SRGAP3: variants seen among roughly 807,000 people sequenced by gnomAD.
SRGAP3 encodes SLIT-ROBO Rho GTPase-activating protein 3.
In SRGAP3, 39 loss-of-function variants were observed where a neutral mutation model predicts 121.1. The ratio of observed to expected loss-of-function variants is 0.32; its 90% CI spans 0.25 to 0.42. The LOEUF (loss-of-function observed/expected upper bound fraction) is 0.42, where lower values mean the gene tolerates loss of function less well. SRGAP3 is among the 10% of genes least tolerant of loss of function. The pLI is 1.00. For synonymous variants in SRGAP3, 601 were observed against 570.0 expected (o/e 1.05, Z -0.77); for missense variants, 1,213 against 1,470.6 (o/e 0.82, Z 2.86).
At chr3:9,052,398 G>C (rs1945620781) in intron 9 of SRGAP3, among the ~76,000 whole-genome samples, 1 of 152,180 alleles carries the variant, frequency 6.6e-6, no homozygotes, top group South Asian at 2.1e-4. Context: ...GGAGCAATCA[G>C]GCAGAGTCAG....
chr3:9,338,076 G>C (rs1955721009), intron 1 of SRGAP3, among the ~76,000 whole-genome samples: 1 of 152,128 alleles, frequency 6.6e-6, no homozygotes, highest in Non-Finnish European at 1.5e-5. Context: ...CAGGATTTTA[G>C]TAAGATAAAT....
chr3:9,075,761 G>A (rs1331032927), intron 4 of SRGAP3, among the ~76,000 whole-genome samples: 1 of 152,238 alleles, frequency 6.6e-6, no homozygotes, highest in Non-Finnish European at 1.5e-5. Context: ...CTCAGTGACT[G>A]TGGTAATGAC....
At chr3:9,295,792 G>A (rs1039257137) in intron 3 of SRGAP3, among the ~76,000 whole-genome samples, 2 of 151,996 alleles carry the variant, frequency 1.3e-5, no homozygotes, top group East Asian at 1.9e-4. Flanking sequence ...CATTAAACAC[G>A]AACTCCCCAT....
chr3:9,123,452 A>C lies in SRGAP3; in HGVS notation c.260+1273T>G, dbSNP rs1051148461. On this transcript the variant is annotated intron_variant, in intron 2 of 21. Coordinates refer to ENST00000383836, the MANE Select transcript of SRGAP3 (RefSeq NM_014850.4). ...CCGGGTATGGTGGCTCACATCTGTAATCCCAGCACTTTGGGAGGCTGAAGC... is the reference window on the plus strand; with the variant it reads ...CCGGGTATGGTGGCTCACATCTGTACTCCCAGCACTTTGGGAGGCTGAAGC... 3.3e-5 allele frequency among the ~76,000 whole-genome samples: 5 copies of C among 151,906 alleles called. No individual in the cohort carries two copies. The South Asian group carries it at 8.3e-4, about 25-fold the overall frequency.
At chr3:9,308,631 C>T (rs752292954) in intron 3 of SRGAP3, among the ~76,000 whole-genome samples, 2 of 152,194 alleles carry the variant, frequency 1.3e-5, no homozygotes, top group East Asian at 1.9e-4. Context: ...GTTGGATATT[C>T]AGCTTGGGAA....
At chr3:9,250,564 A>G (rs896048149), upstream of SRGAP3, among the ~76,000 whole-genome samples, 3 of 152,236 alleles carry the variant, frequency 2.0e-5, no homozygotes, top group African/African-American at 7.2e-5. Context: ...GGTAAGGAAC[A>G]TCGGGAATGA....
At chr3:9,329,244 G>T (rs1955566134) in intron 2 of SRGAP3, among the ~76,000 whole-genome samples, 1 of 152,092 alleles carries the variant, frequency 6.6e-6, no homozygotes. Context: ...TCAACCATTC[G>T]CACAGAAAGA....
upstream of SRGAP3, among the ~76,000 whole-genome samples, chr3:9,250,660 G>A (rs1019885922): frequency 1.3e-5 from 2 of 152,136 alleles, no homozygotes; most frequent in Non-Finnish European, 2.9e-5. Flanking sequence ...ATAAACAGTA[G>A]CAACTGTTAT....
chr3:9,249,161 A>C lies in SRGAP3; in HGVS notation c.-210T>G. 1.6e-6 allele frequency: 1 copy of C among 620,848 alleles called. No homozygotes were observed. The highest frequency in any genetic ancestry group is 1.9e-5 in the South Asian group (1 of 51,968). The allele number at this position is 620,848 out of a possible 1,614,324, so 38.5% of individuals were successfully genotyped here. A position where few individuals can be genotyped will look rare whatever the true frequency, so the allele number is the denominator to read the frequency against. On this transcript the variant is annotated 5_prime_UTR_variant, in exon 1 of 22. Coordinates refer to ENST00000383836, the MANE Select transcript of SRGAP3 (RefSeq NM_014850.4). ...TTACTTGCCGAGAAATGGCTCTAGTAGCTTGCCCTGGTCAGCTCCTCTTGC... is the reference window on the plus strand; with the variant it reads ...TTACTTGCCGAGAAATGGCTCTAGTCGCTTGCCCTGGTCAGCTCCTCTTGC...
At chr3:9,352,706 G>A (rs1004752053) in intron 1 of SRGAP3, among the ~76,000 whole-genome samples, 2 of 152,154 alleles carry the variant, frequency 1.3e-5, no homozygotes, top group Admixed American at 1.3e-4. Context: ...TCTGCAGCTG[G>A]GGTCAGGCCA....
At chr3:9,054,953 A>C (rs1945748729) in intron 8 of SRGAP3, among the ~76,000 whole-genome samples, 1 of 152,252 alleles carries the variant, frequency 6.6e-6, no homozygotes. Context: ...CAGCTCATAC[A>C]GAAGAACATT....
intron 1 of SRGAP3, among the ~76,000 whole-genome samples, chr3:9,187,494 C>T (rs1951632721): frequency 6.6e-6 from 1 of 152,172 alleles, no homozygotes; most frequent in Non-Finnish European, 1.5e-5. Flanking sequence ...GCACAGTCTT[C>T]ACCAACCTCC....
intron 14 of SRGAP3, among the ~76,000 whole-genome samples, chr3:9,021,541 T>A (rs1484537968): frequency 6.6e-6 from 1 of 151,484 alleles, no homozygotes; most frequent in African/African-American, 2.4e-5. Flanking sequence ...TCTGGTTGAC[T>A]CATATGAGAA....
intron 1 of SRGAP3, among the ~76,000 whole-genome samples, chr3:9,222,915 T>G (rs1317317163): frequency 6.6e-6 from 1 of 152,226 alleles, no homozygotes; most frequent in African/African-American, 2.4e-5. Flanking sequence ...TTGGGTGATA[T>G]CTCTGTGATA....
chr3:8,994,311 G>A (rs772578089), intron 19 of SRGAP3, 32 bp downstream of exon 19: 47 of 1,612,526 alleles, frequency 2.9e-5, no homozygotes, highest in Non-Finnish European at 3.9e-5. Context: ...ATCTATTTCG[G>A]CATTCTTCAC....
At chr3:9,141,463 T>C (rs1017471622) in intron 1 of SRGAP3, among the ~76,000 whole-genome samples, 1 of 152,144 alleles carries the variant, frequency 6.6e-6, no homozygotes, top group Admixed American at 6.6e-5. Flanking sequence ...CGTAAGTTAT[T>C]ACCCATGACC....
chr3:9,229,190 A>G (rs1303587592), intron 1 of SRGAP3, among the ~76,000 whole-genome samples: 2 of 152,120 alleles, frequency 1.3e-5, no homozygotes, highest in Non-Finnish European at 2.9e-5. Flanking sequence ...GCTAGGTTCT[A>G]CGATACAGTC....
At chr3:9,311,169 C>CG (rs1553571955) in intron 3 of SRGAP3, among the ~76,000 whole-genome samples, 1 of 110,042 alleles carries the variant, frequency 9.1e-6, no homozygotes, top group African/African-American at 3.1e-5. Context: ...GACTCCAGCT[C>CG]AAAAAAAAAA....
intron 1 of SRGAP3, among the ~76,000 whole-genome samples, chr3:9,334,278 AATC>A (rs1955654586): frequency 6.6e-6 from 1 of 152,194 alleles, no homozygotes; most frequent in African/African-American, 2.4e-5. Flanking sequence ...AATGGTATTC[AATC>A]ATCATTTATT....
Sources: allele counts gnomAD v4.1 joint callset (sites outside exome capture counted in the v4.1 genomes callset), GRCh38; gene constraint gnomAD v4.1.1; transcripts MANE v1.5; gene names NCBI Gene and HGNC (gene_info 2026-07-23, HGNC 2026-07-21).